Variants in INSC observed in about 807,000 individuals in gnomAD.
INSC encodes INSC spindle orientation adaptor protein.
Under a neutral mutation model 58.6 loss-of-function variants are expected in INSC, and 67 were observed. The observed-to-expected ratio is 1.14, with a 90% confidence interval of 0.94 to 1.40. The LOEUF (loss-of-function observed/expected upper bound fraction) is 1.40, where lower values mean the gene tolerates loss of function less well. Among genes scored for constraint, INSC ranks in the 40% most tolerant of loss-of-function variants. The pLI is 0.00. For synonymous variants in INSC, 262 were observed against 276.1 expected, an observed-to-expected ratio of 0.95 and a Z score of 0.51; for missense variants, 714 against 692.0, an observed-to-expected ratio of 1.03 and a Z score of -0.36.
At chr11:15,192,750 A>G (rs1850225765) in intron 6 of INSC, among the ~76,000 whole-genome samples, 1 of 152,176 alleles carries the variant, frequency 6.6e-6, no homozygotes, top group Admixed American at 6.5e-5. Context: ...GATGTGGAGT[A>G]TTTTAAATAA....
chr11:15,151,190 T>A (rs1175565118), intron 2 of INSC, among the ~76,000 whole-genome samples: 1 of 152,172 alleles, frequency 6.6e-6, no homozygotes, highest in Non-Finnish European at 1.5e-5. Flanking sequence ...CTCCGTCTCC[T>A]GTCAGATCAG....
chr11:15,247,571 TATTAAC>T (rs1157698930), downstream of INSC, among the ~76,000 whole-genome samples: 1 of 151,940 alleles, frequency 6.6e-6, no homozygotes, highest in African/African-American at 2.4e-5. Flanking sequence ...TCAGTATAGA[TATTAAC>T]ATTTACTACT....
intron 1 of INSC, among the ~76,000 whole-genome samples, chr11:15,138,734 A>G (rs1053963486): frequency 6.6e-6 from 1 of 152,166 alleles, no homozygotes; most frequent in African/African-American, 2.4e-5. Context: ...TGGTATTATT[A>G]TTTCACTTTC....
At position 15,122,011 on chromosome 11, in the gene INSC, C is replaced by G. The variant is rs114658243; in HGVS notation, c.-46+7008C>G. Reference sequence around the variant, plus strand: ...GGAATTAGCCATTTGTCTGAAGAGCCCTGGATCCTTTTAGTCGAAAATGGT... The same window carrying G: ...GGAATTAGCCATTTGTCTGAAGAGCGCTGGATCCTTTTAGTCGAAAATGGT... On this transcript the variant is annotated intron_variant, in intron 1 of 12. Coordinates refer to ENST00000379556, the MANE Select transcript of INSC (RefSeq NM_001042536.3). 7.7e-3 allele frequency among the ~76,000 whole-genome samples: 1,174 copies of G among 152,110 alleles called. 15 individuals are homozygous for G. The highest frequency in any genetic ancestry group is 0.027 in the African/African-American group (1,123 of 41,484).
At chr11:15,216,095 C>A (rs891181078) in intron 7 of INSC, among the ~76,000 whole-genome samples, 1 of 152,116 alleles carries the variant, frequency 6.6e-6, no homozygotes, top group Non-Finnish European at 1.5e-5. Flanking sequence ...GGTTTGGGTG[C>A]CTTTGTCTGA....
intron 5 of INSC, among the ~76,000 whole-genome samples, chr11:15,186,197 C>T (rs1849960300): frequency 6.6e-6 from 1 of 152,108 alleles, no homozygotes; most frequent in Admixed American, 6.6e-5. Context: ...AGAATAGCAT[C>T]TTCCTATAGC....
intron 6 of INSC, among the ~76,000 whole-genome samples, chr11:15,192,082 T>G (rs1850200103): frequency 6.6e-6 from 1 of 152,232 alleles, no homozygotes; most frequent in African/African-American, 2.4e-5. Context: ...GCAGGCTTGA[T>G]TTAACTAATG....
intron 10 of INSC, among the ~76,000 whole-genome samples, chr11:15,236,381 C>T (rs1247749307): frequency 6.6e-6 from 1 of 152,102 alleles, no homozygotes; most frequent in Non-Finnish European, 1.5e-5. Flanking sequence ...AAATCTATTC[C>T]TACCAAGGGA....
At chr11:15,153,924 C>G (rs1848728846) in intron 2 of INSC, among the ~76,000 whole-genome samples, 1 of 152,232 alleles carries the variant, frequency 6.6e-6, no homozygotes, top group Non-Finnish European at 1.5e-5. Context: ...AATGCTGTCA[C>G]TCAGCCTTCA....
intron 2 of INSC, among the ~76,000 whole-genome samples, chr11:15,155,685 C>G (rs1051609152): frequency 2.0e-5 from 3 of 152,210 alleles, no homozygotes; most frequent in Admixed American, 1.3e-4. Flanking sequence ...CTCCCCACTT[C>G]ACACAGAAGG....
Position 15,178,398 on chromosome 11 carries a change from G to A in INSC, c.530G>A (p.Gly177Asp). 6.2e-7 allele frequency: 1 copy of A among 1,613,598 alleles called. No homozygotes were observed. Among genetic ancestry groups the A allele is most frequent in the Non-Finnish European group, 8.5e-7 (1 of 1,180,006 alleles). The change falls in exon 5 of 13, where the codon GGC (glycine) becomes GAC (aspartate). Residue 177 changes from glycine to aspartate, a missense_variant. Physicochemically the swap from Gly to Asp is moderately conservative, Grantham distance 94. Transcript: ENST00000379556. ...ACVSETLSMLGQHFGQLLELA... is the reference protein window; with the variant it reads ...ACVSETLSMLDQHFGQLLELA... ...GTGAGTGAGACCCTGAGCATGCTGG[G>A]CCAGCACTTTGGTCAGCTGCTGGAG...
intron 1 of INSC, among the ~76,000 whole-genome samples, chr11:15,129,292 C>A (rs1387744636): frequency 6.6e-6 from 1 of 152,052 alleles, no homozygotes; most frequent in East Asian, 1.9e-4. Context: ...ATGTTTATTC[C>A]AGGGTCAATA....
the INSC span, among the ~76,000 whole-genome samples, chr11:15,268,347 T>C: frequency 6.6e-6 from 1 of 152,052 alleles, no homozygotes; most frequent in African/African-American, 2.4e-5. Context: ...AGAAAATCCT[T>C]TCTTGCTTTC....
At chr11:15,258,747 G>T in the INSC span, among the ~76,000 whole-genome samples, 1 of 152,200 alleles carries the variant, frequency 6.6e-6, no homozygotes, top group South Asian at 2.1e-4. Flanking sequence ...CTGACCTGGG[G>T]CGGGTGTGTC....
intron 6 of INSC, among the ~76,000 whole-genome samples, chr11:15,200,445 C>T (rs1218653925): frequency 6.6e-6 from 1 of 152,096 alleles, no homozygotes; most frequent in East Asian, 1.9e-4. Flanking sequence ...CTAGGACCTG[C>T]TTCCTGTGAC....
chr11:15,151,827 G>A (rs769162032), intron 2 of INSC, among the ~76,000 whole-genome samples: 1 of 152,132 alleles, frequency 6.6e-6, no homozygotes, highest in Non-Finnish European at 1.5e-5. Context: ...TCCACACAGG[G>A]CTGGGTCCAG....
At chr11:15,258,717 T>C in the INSC span, among the ~76,000 whole-genome samples, 12 of 152,194 alleles carry the variant, frequency 7.9e-5, no homozygotes, top group Admixed American at 2.6e-4. Flanking sequence ...GAACTCCCAA[T>C]AGGCCCCTTT....
the INSC span, among the ~76,000 whole-genome samples, chr11:15,257,599 G>C: frequency 2.0e-5 from 3 of 151,922 alleles, no homozygotes; most frequent in Non-Finnish European, 2.9e-5. Context: ...CTGGAAAAAG[G>C]GTTATTGCAG....
intron 1 of INSC, among the ~76,000 whole-genome samples, chr11:15,120,533 C>G (rs560839515): frequency 6.6e-6 from 1 of 152,084 alleles, no homozygotes. Flanking sequence ...GGTAGAGAGA[C>G]CAGCACGTGT....
Sources: allele counts gnomAD v4.1 joint callset (sites outside exome capture counted in the v4.1 genomes callset), GRCh38; gene constraint gnomAD v4.1.1; transcripts MANE v1.5; gene names NCBI Gene and HGNC (gene_info 2026-07-23, HGNC 2026-07-21).